Variants in MAF observed in about 807,000 individuals in gnomAD.
The protein encoded by MAF is transcription factor Maf.
Under a neutral mutation model 22.0 loss-of-function variants are expected in MAF, and 10 were observed. That is an observed-to-expected ratio of 0.45 (90% CI 0.28 to 0.77). The LOEUF (loss-of-function observed/expected upper bound fraction) is 0.77, where lower values mean the gene tolerates loss of function less well. Among genes scored for constraint, MAF ranks in the 30% least tolerant of loss-of-function variants. MAF has a pLI of 0.12. For missense variants in MAF, 544 were observed against 548.4 expected (o/e 0.99, Z 0.08); for synonymous variants, 337 against 255.8 (o/e 1.32, Z -3.03).
the MAF span, among the ~76,000 whole-genome samples, chr16:79,337,384 G>C: frequency 4.6e-5 from 7 of 152,044 alleles, no homozygotes; most frequent in Non-Finnish European, 8.8e-5. Flanking sequence ...AGCCTGGCCA[G>C]TACGGTGAAA....
At chr16:79,576,096 C>T in the MAF span, among the ~76,000 whole-genome samples, 1 of 152,058 alleles carries the variant, frequency 6.6e-6, no homozygotes, top group African/African-American at 2.4e-5. Context: ...GTTTTCTTAT[C>T]TTCTGAGTAT....
At chr16:79,474,535 C>T in the MAF span, among the ~76,000 whole-genome samples, 5 of 152,108 alleles carry the variant, frequency 3.3e-5, no homozygotes, top group Non-Finnish European at 5.9e-5. Context: ...TGCTTGCTTT[C>T]GATCCCCATA....
chr16:79,382,289 A>G, the MAF span, among the ~76,000 whole-genome samples: 4 of 152,354 alleles, frequency 2.6e-5, no homozygotes, highest in South Asian at 8.3e-4. Context: ...ACCACCATGC[A>G]AAACTAAAAT....
At chr16:79,560,631 A>G in the MAF span, among the ~76,000 whole-genome samples, 4 of 152,106 alleles carry the variant, frequency 2.6e-5, no homozygotes, top group African/African-American at 9.6e-5. Context: ...CACATTTTCC[A>G]TAAGATACTC....
the MAF span, among the ~76,000 whole-genome samples, chr16:79,285,578 A>T: frequency 1.3e-5 from 2 of 151,910 alleles, no homozygotes; most frequent in African/African-American, 4.8e-5. Flanking sequence ...AATTTCTGGG[A>T]GTGGGACTCT....
At chr16:79,334,916 G>C in the MAF span, among the ~76,000 whole-genome samples, 1 of 151,908 alleles carries the variant, frequency 6.6e-6, no homozygotes, top group Non-Finnish European at 1.5e-5. Flanking sequence ...GCTGGGTGCA[G>C]TGGCTCACAC....
the MAF span, among the ~76,000 whole-genome samples, chr16:79,247,192 G>C: frequency 1.3e-5 from 2 of 152,184 alleles, no homozygotes; most frequent in Admixed American, 1.3e-4. Flanking sequence ...TGAGCAAATA[G>C]CCAGTGTGAG....
At chr16:79,547,104 C>T in the MAF span, among the ~76,000 whole-genome samples, 6 of 152,082 alleles carry the variant, frequency 3.9e-5, no homozygotes, top group African/African-American at 1.4e-4. Flanking sequence ...ACGTATCTAG[C>T]ACTGTTGGGG....
At chr16:79,253,091 A>G in the MAF span, among the ~76,000 whole-genome samples, 4 of 152,176 alleles carry the variant, frequency 2.6e-5, no homozygotes, top group Admixed American at 6.5e-5. Flanking sequence ...ACCCTCACCT[A>G]TAATTACCCG....
chr16:79,433,318 A>G, the MAF span, among the ~76,000 whole-genome samples: 1 of 150,614 alleles, frequency 6.6e-6, no homozygotes, highest in Non-Finnish European at 1.5e-5. Flanking sequence ...CCAGAAAAAA[A>G]AGAGAGTTAG....
chr16:79,209,381 C>G, the MAF span, among the ~76,000 whole-genome samples: 1 of 152,180 alleles, frequency 6.6e-6, no homozygotes, highest in African/African-American at 2.4e-5. Flanking sequence ...AATATTTTAT[C>G]AGGTTAGGAA....
At chr16:79,586,710 T>G (rs1162030698) in intron 1 of MAF, among the ~76,000 whole-genome samples, 1 of 152,188 alleles carries the variant, frequency 6.6e-6, no homozygotes, top group East Asian at 1.9e-4. Context: ...TAATTATCAT[T>G]TACTGTACAG....
the MAF span, among the ~76,000 whole-genome samples, chr16:79,280,933 C>A: frequency 6.6e-6 from 1 of 152,126 alleles, no homozygotes; most frequent in African/African-American, 2.4e-5. Flanking sequence ...ATTGTCAAAG[C>A]AGTCTAGTGA....
At chr16:79,263,590 T>A in the MAF span, among the ~76,000 whole-genome samples, 1 of 152,254 alleles carries the variant, frequency 6.6e-6, no homozygotes, top group Non-Finnish European at 1.5e-5. Context: ...TTCTTCCGTT[T>A]TCTCTGTTCC....
the MAF span, among the ~76,000 whole-genome samples, chr16:79,464,867 G>C: frequency 1.3e-5 from 2 of 152,150 alleles, no homozygotes; most frequent in African/African-American, 4.8e-5. Context: ...TCCCACCATG[G>C]CTTGTGTAAG....
the MAF span, among the ~76,000 whole-genome samples, chr16:79,392,721 C>T: frequency 1.3e-5 from 2 of 152,118 alleles, no homozygotes; most frequent in East Asian, 1.9e-4. Context: ...CAGCCCACAC[C>T]GCCATGCTGA....
the MAF span, among the ~76,000 whole-genome samples, chr16:79,295,755 T>A: frequency 6.6e-6 from 1 of 152,226 alleles, no homozygotes; most frequent in Non-Finnish European, 1.5e-5. Flanking sequence ...CTTCCCTGTG[T>A]GTCAGGCACA....
the MAF span, among the ~76,000 whole-genome samples, chr16:79,217,519 C>A: frequency 6.6e-6 from 1 of 152,166 alleles, no homozygotes; most frequent in East Asian, 1.9e-4. Context: ...TTCAGCCTTG[C>A]CTACATTTCT....
the MAF span, among the ~76,000 whole-genome samples, chr16:79,399,102 G>C: frequency 2.6e-5 from 4 of 152,220 alleles, no homozygotes; most frequent in Non-Finnish European, 4.4e-5. Context: ...GTGACGTTGA[G>C]AGGCAGTGCT....
Sources: allele counts gnomAD v4.1 joint callset (sites outside exome capture counted in the v4.1 genomes callset), GRCh38; gene constraint gnomAD v4.1.1; transcripts MANE v1.5; gene names NCBI Gene and HGNC (gene_info 2026-07-23, HGNC 2026-07-21).